Variants in ERICH5 observed in about 807,000 individuals in gnomAD.
ERICH5 encodes the protein glutamate-rich protein 5.
ERICH5 carries 24 observed loss-of-function variants against 28.0 expected under a neutral mutation model. The observed-to-expected ratio is 0.86, with a 90% confidence interval of 0.62 to 1.21. The LOEUF (loss-of-function observed/expected upper bound fraction) is 1.21. Among genes scored for constraint, ERICH5 ranks in the 50% most tolerant of loss-of-function variants. The pLI, the probability that ERICH5 is intolerant of heterozygous loss-of-function variation, is 0.00. For missense variants in ERICH5, 421 were observed against 441.2 expected (o/e 0.95, Z 0.41); for synonymous variants, 163 against 157.6 (o/e 1.03, Z -0.25).
intron 2 of ERICH5, among the ~76,000 whole-genome samples, chr8:98,091,402 C>T (rs1052169645): frequency 1.3e-5 from 2 of 152,164 alleles, no homozygotes; most frequent in Non-Finnish European, 2.9e-5. Context: ...GAACTGCTTT[C>T]CTAAGAATGT....
At chr8:98,077,110 A>G (rs79971871) in intron 1 of ERICH5, among the ~76,000 whole-genome samples, 1 of 149,164 alleles carries the variant, frequency 6.7e-6, no homozygotes, top group Non-Finnish European at 1.5e-5. Flanking sequence ...TAAAAAAAAA[A>G]AAGGATGCTA....
chr8:98,089,323 A>C lies in ERICH5; in HGVS notation c.306A>C (p.Glu102Asp), dbSNP rs1289599216. 6.2e-7 allele frequency: 1 copy of C among 1,614,264 alleles called. No homozygotes were observed. The highest frequency in any genetic ancestry group is 1.7e-5 in the Admixed American group (1 of 60,036). ...CCACAGACCAATCAGGGTCCACAGA[A>C]AAGACTCAGCCTGGAGAGGGACTGG... ...RDATDQSGST[E>D]KTQPGEGLEE... Residue 102 changes from glutamate to aspartate, a missense_variant, in exon 2 of 3, where the codon GAA becomes GAC. Transcript: ENST00000318528.
intron 1 of ERICH5, among the ~76,000 whole-genome samples, chr8:98,080,704 C>T (rs1332414111): frequency 7.3e-6 from 1 of 137,778 alleles, no homozygotes; most frequent in African/African-American, 2.7e-5. Flanking sequence ...CCTCCCGTCC[C>T]CCCTCCCCCT....
chr8:98,088,337 GAA>G (rs1815316718), intron 1 of ERICH5, among the ~76,000 whole-genome samples: 1 of 152,198 alleles, frequency 6.6e-6, no homozygotes, highest in Non-Finnish European at 1.5e-5. Context: ...ATGAAGGAGA[GAA>G]GAGAGATTCA....
At chr8:98,081,181 C>T (rs2130523667) in intron 1 of ERICH5, among the ~76,000 whole-genome samples, 1 of 152,178 alleles carries the variant, frequency 6.6e-6, no homozygotes, top group Non-Finnish European at 1.5e-5. Flanking sequence ...TCATGGCTCA[C>T]TGTGATCTGA....
chr8:98,080,850 T>TCGCCACCATGGCCA (rs1815171038), intron 1 of ERICH5, among the ~76,000 whole-genome samples: 1 of 151,820 alleles, frequency 6.6e-6, no homozygotes, highest in South Asian at 2.1e-4. Context: ...TTACAGGCAC[T>TCGCCACCATGGCCA]CGCCACCATG....
rs151309291 is a variant in ERICH5, at chr8:98,089,267, C to G, written c.250C>G (p.Leu84Val). The part of the protein sequence containing the change: ...NGVKPLQEQP[L>V]AKDVAPGRDA... Reference sequence around the variant, plus strand: ...TGTTAAACCCCTCCAAGAACAGCCCCTGGCCAAGGACGTAGCCCCTGGAAG... The same window carrying G: ...TGTTAAACCCCTCCAAGAACAGCCCGTGGCCAAGGACGTAGCCCCTGGAAG... The change falls in exon 2 of 3, where the codon CTG becomes GTG. Residue 84 changes from leucine to valine, a missense_variant. Leu to Val is a conservative substitution (Grantham distance 32, BLOSUM62 1). Coordinates refer to ENST00000318528, the MANE Select transcript of ERICH5 (RefSeq NM_173549.3). 278 of 1,614,110 alleles carry G rather than the reference C, an allele frequency of 1.7e-4. No individual in the cohort carries two copies. Among genetic ancestry groups the G allele is most frequent in the Middle Eastern group, 1.6e-4 (1 of 6,084 alleles).
intron 1 of ERICH5, among the ~76,000 whole-genome samples, chr8:98,072,249 G>A (rs1454729375): frequency 1.3e-5 from 2 of 152,224 alleles, no homozygotes; most frequent in Non-Finnish European, 2.9e-5. Flanking sequence ...GATCCTGACA[G>A]CCTGAGCCAT....
Position 98,064,707 on chromosome 8 carries a change from ACAG to A in ERICH5, c.45_47del (p.Ser15del), listed in dbSNP as rs1814786896. ...AGCAGCGCCCTCAACAAGGCCGGCGACAGCAGCAGGTTCCCCAGCGGTGAGCAG... is the reference window on the plus strand; with the variant it reads ...AGCAGCGCCCTCAACAAGGCCGGCGACAGCAGGTTCCCCAGCGGTGAGCAG... On this transcript the variant is annotated inframe_deletion, in exon 1 of 3. Coordinates refer to ENST00000318528, the MANE Select transcript of ERICH5 (RefSeq NM_173549.3). 1 of 1,534,674 alleles carries A rather than the reference ACAG, an allele frequency of 6.5e-7. No individual in the cohort carries two copies. Among genetic ancestry groups the A allele is most frequent in the South Asian group, 1.2e-5 (1 of 83,524 alleles).
At chr8:98,091,906 TTTCTTTCTTTC>T (rs1563759606) in intron 2 of ERICH5, among the ~76,000 whole-genome samples, 65 of 99,896 alleles carry the variant, frequency 6.5e-4, no homozygotes, top group African/African-American at 2.4e-3. Flanking sequence ...CTTTCCTTTC[TTTCTTTCTTTC>T]TTCCTTTCTT....
intron 1 of ERICH5, among the ~76,000 whole-genome samples, chr8:98,065,994 G>C (rs1814813511): frequency 6.6e-6 from 1 of 152,158 alleles, no homozygotes; most frequent in Non-Finnish European, 1.5e-5. Context: ...ATAGATAACG[G>C]AAAGCAATGA....
At chr8:98,091,936 CCTTT>C (rs200668579) in intron 2 of ERICH5, among the ~76,000 whole-genome samples, 1 of 30,354 alleles carries the variant, frequency 3.3e-5, no homozygotes, top group East Asian at 5.0e-4. Context: ...TTTCTTTCTT[CCTTT>C]CTTTCTTTCT....
At chr8:98,077,913 A>G (rs1815088590) in intron 1 of ERICH5, among the ~76,000 whole-genome samples, 1 of 152,170 alleles carries the variant, frequency 6.6e-6, no homozygotes, top group Admixed American at 6.5e-5. Context: ...TAAGTTTATC[A>G]TCCAACTTCA....
At chr8:98,089,040 CTCTTT>C (rs775419878) in intron 1 of ERICH5, 31 bp from the exon 2 acceptor site, 1 of 1,478,488 alleles carries the variant, frequency 6.8e-7, no homozygotes, top group African/African-American at 1.4e-5. Context: ...TTTGTGTTTT[CTCTTT>C]TCTTTTTCTT....
intron 1 of ERICH5, among the ~76,000 whole-genome samples, chr8:98,079,738 C>T (rs1297575695): frequency 8.5e-5 from 13 of 152,134 alleles, no homozygotes; most frequent in Non-Finnish European, 1.6e-4. Flanking sequence ...CGGGGTTTCA[C>T]CATGTTGGCC....
chr8:98,078,600 T>C (rs897028954), intron 1 of ERICH5, among the ~76,000 whole-genome samples: 1 of 152,238 alleles, frequency 6.6e-6, no homozygotes, highest in Non-Finnish European at 1.5e-5. Context: ...ATTTCAGGTA[T>C]GTTAGCTTTA....
chr8:98,064,632 C>T lies in ERICH5; in HGVS notation c.-38C>T. Reference sequence around the variant, plus strand: ...TTCGGTTCCCGGTTCCGGGCCGACACCCGCGCAGGGCTGAGACAGGTGTCT... The same window carrying T: ...TTCGGTTCCCGGTTCCGGGCCGACATCCGCGCAGGGCTGAGACAGGTGTCT... On this transcript the variant is annotated 5_prime_UTR_variant, in exon 1 of 3. Coordinates refer to ENST00000318528, the MANE Select transcript of ERICH5 (RefSeq NM_173549.3). 1.4e-6 allele frequency: 2 copies of T among 1,477,296 alleles called. No individual in the cohort carries two copies. Among genetic ancestry groups the T allele is most frequent in the South Asian group, 1.3e-5 (1 of 77,778 alleles). The allele number at this position is 1,477,296 out of a possible 1,614,324, so 91.5% of individuals were successfully genotyped here.
In ERICH5 at chr8:98,093,541, GC is replaced by G; in HGVS notation, c.*209del. ...TGCTAAGCCATGAACAGTTTTCTTA[GC>G]TACTTAGAATGGTTATACATTTAAA... On this transcript the variant is annotated 3_prime_UTR_variant, in exon 3 of 3. Transcript: ENST00000318528. 2 of 397,930 alleles carry G rather than the reference GC, an allele frequency of 5.0e-6. No individual in the cohort carries two copies. 24.6% of individuals were successfully genotyped at this position (397,930 alleles called of 1,614,324 possible).
chr8:98,072,251 C>T (rs575732138), intron 1 of ERICH5, among the ~76,000 whole-genome samples: 1 of 152,328 alleles, frequency 6.6e-6, no homozygotes, highest in Non-Finnish European at 1.5e-5. Context: ...TCCTGACAGC[C>T]TGAGCCATCT....
Sources: gnomAD v4.1 joint callset for allele counts (sites outside exome capture counted in the v4.1 genomes callset) on GRCh38, gnomAD v4.1.1 for gene constraint, MANE v1.5 for transcripts, NCBI Gene and HGNC (gene_info 2026-07-23, HGNC 2026-07-21) for gene names.